The following SBF1 variants were observed in gnomAD, a reference collection of about 807,000 sequenced individuals.
SBF1 encodes myotubularin-related protein 5.
A neutral mutation model predicts 215.8 loss-of-function variants in SBF1; 65 were observed. The ratio of observed to expected loss-of-function variants is 0.30; its 90% CI spans 0.25 to 0.37. The LOEUF is 0.37. Among genes scored for constraint, SBF1 ranks in the 10% least tolerant of loss-of-function variants. SBF1 has a pLI of 1.00. For missense variants in SBF1, 2,634 were observed against 2,667.8 expected, an observed-to-expected ratio of 0.99 and a Z score of 0.28; for synonymous variants, 1,410 against 1,122.8, an observed-to-expected ratio of 1.26 and a Z score of -5.11.
chr22:50,461,763 TG>T, intron 21 of SBF1, 32 bp downstream of exon 21: 1 of 1,611,338 alleles, frequency 6.2e-7, no homozygotes, highest in Non-Finnish European at 8.5e-7. Context: ...GCCCGGGCCT[TG>T]GGCCCCCGCA....
At position 50,455,523 on chromosome 22, in the gene SBF1, G is replaced by A. The variant is rs545508594; in HGVS notation, c.4326C>T (p.Ser1442=). 31 of 1,602,468 alleles carry A rather than the reference G, an allele frequency of 1.9e-5. No homozygotes were observed. The highest frequency in any genetic ancestry group is 3.3e-4 in the Middle Eastern group (2 of 6,056). Residue 1442 remains serine (S), a synonymous_variant, in exon 32 of 41, where the codon TCC becomes TCT. Coordinates refer to ENST00000380817, the MANE Select transcript of SBF1 (RefSeq NM_002972.4). Reference sequence around the variant, plus strand: ...AGCCATCCTCCAGGCCCACCAGCACGGAGGAGCCTGAATCCAGGAGCTCCA... The same window carrying A: ...AGCCATCCTCCAGGCCCACCAGCACAGAGGAGCCTGAATCCAGGAGCTCCA... ...LVVELLDSGS[S]VLVGLEDGWD... is the part of the protein sequence containing the mutation.
At chr22:50,467,194 TG>T in intron 5 of SBF1, 143 bp downstream of exon 5, 1 of 672,450 alleles carries the variant, frequency 1.5e-6, no homozygotes. Flanking sequence ...CCAGGACTGT[TG>T]GGGGCAATGG....
intron 35 of SBF1, 25 bp downstream of exon 35, chr22:50,454,789 C>T (rs767497775): frequency 1.2e-6 from 2 of 1,610,666 alleles, no homozygotes; most frequent in East Asian, 4.5e-5. Flanking sequence ...CAGGAGCCGC[C>T]TACCCGACCC....
Position 50,446,925 on chromosome 22 carries a change from G to A in SBF1, c.*217C>T. The A allele has an allele frequency of 1.4e-6, 1 of 721,848 alleles. No homozygotes were observed. The highest frequency in any genetic ancestry group is 2.5e-6 in the Non-Finnish European group (1 of 396,672). The allele number at this position is 721,848 out of a possible 1,614,324, so 44.7% of individuals were successfully genotyped here. A position where few individuals can be genotyped will look rare whatever the true frequency, so the allele number is the denominator to read the frequency against. ...ACAGGCCCATTGCGGGCTGTACCTTGGCCACCTCCCGGCACGGTGCTCAGC... is the reference window on the plus strand; with the variant it reads ...ACAGGCCCATTGCGGGCTGTACCTTAGCCACCTCCCGGCACGGTGCTCAGC... On this transcript the variant is annotated 3_prime_UTR_variant, in exon 41 of 41. Transcript: ENST00000380817.
chr22:50,459,245 G>T lies in SBF1; in HGVS notation c.3826+10C>A. 6.3e-7 allele frequency: 1 copy of T among 1,591,298 alleles called. No homozygotes were observed. ...CCCCTGCCCCACCGTCTGCCCACAA[G>T]CACCCTCACCGTGACTGCCCATGTG... On this transcript the variant is annotated intron_variant, in intron 28 of 40. Transcript: ENST00000380817.
At chr22:50,472,190 G>A (rs1410678584) in intron 1 of SBF1, among the ~76,000 whole-genome samples, 1 of 152,176 alleles carries the variant, frequency 6.6e-6, no homozygotes, top group Admixed American at 6.5e-5. Flanking sequence ...AGGTGAAAGG[G>A]TCACGGCCAG....
chr22:50,463,169 T>C (rs1476434772), intron 16 of SBF1, 114 bp downstream of exon 16: 1 of 1,406,708 alleles, frequency 7.1e-7, no homozygotes, highest in Non-Finnish European at 9.8e-7. Flanking sequence ...CCCTGCCCAC[T>C]GGCACAGGAG....
At chr22:50,469,843 C>T (rs935555875) in intron 1 of SBF1, among the ~76,000 whole-genome samples, 3 of 152,162 alleles carry the variant, frequency 2.0e-5, no homozygotes, top group Non-Finnish European at 2.9e-5. Flanking sequence ...ACACACTCCA[C>T]GGGTCCCCTA....
At position 50,465,782 on chromosome 22, in the gene SBF1, G is replaced by A. The variant is rs546247142; in HGVS notation, c.1070C>T (p.Thr357Ile). 5.6e-6 allele frequency: 9 copies of A among 1,608,934 alleles called. No individual in the cohort carries two copies. The highest frequency in any genetic ancestry group is 5.1e-5 in the Admixed American group (3 of 59,356). The change falls in exon 10 of 41, where the codon ACC becomes ATC. Residue 357 changes from threonine to isoleucine, a missense_variant. Thr to Ile is a moderately conservative substitution (Grantham distance 89, BLOSUM62 -1). Transcript: ENST00000380817. ...CCCCACCTGCATCTTCAGGGAGGAG[G>A]TGGATGTCGTGGGCGGAGGGAAGGC... ...DLAFPPPTTS[T>I]SSLKMQDKEL...
At position 50,446,727 on chromosome 22, in the gene SBF1, C is replaced by A; in HGVS notation, c.*415G>T. On this transcript the variant is annotated 3_prime_UTR_variant, in exon 41 of 41. Transcript: ENST00000380817. ...AGATGCCAACCTCCCGCCAGGTGGG[C>A]CTGGATAGGGGCAGATGGGACCCTC... 1 of 446,388 alleles carries A rather than the reference C, an allele frequency of 2.2e-6. No individual in the cohort carries two copies. The highest frequency in any genetic ancestry group is 4.4e-6 in the Non-Finnish European group (1 of 225,348). The allele number at this position is 446,388 out of a possible 1,614,324, so 27.7% of individuals were successfully genotyped here. A position where few individuals can be genotyped will look rare whatever the true frequency, so the allele number is the denominator to read the frequency against.
chr22:50,453,123 C>T (rs775370615), intron 36 of SBF1, among the ~76,000 whole-genome samples: 22 of 152,066 alleles, frequency 1.4e-4, no homozygotes, highest in African/African-American at 5.1e-4. Context: ...GACTGGATAA[C>T]AAGAAGACCC....
intron 16 of SBF1, 69 bp from the exon 17 acceptor site, chr22:50,463,007 C>T: frequency 6.9e-7 from 1 of 1,449,822 alleles, no homozygotes; most frequent in Non-Finnish European, 9.5e-7. Flanking sequence ...CACCATGCCC[C>T]CACCACCCCA....
chr22:50,463,552 C>T, intron 15 of SBF1, 120 bp from the exon 16 acceptor site: 1 of 1,142,230 alleles, frequency 8.8e-7, no homozygotes, highest in South Asian at 1.6e-5. Flanking sequence ...GTGTGCCAGA[C>T]TCTGGGGCTT....
At chr22:50,472,873 CTGA>C (rs1241247863) in intron 1 of SBF1, among the ~76,000 whole-genome samples, 1 of 152,226 alleles carries the variant, frequency 6.6e-6, no homozygotes, top group Admixed American at 6.5e-5. Flanking sequence ...CAGCAAGCAG[CTGA>C]CCAGCTCAAC....
rs373993266 is a variant in SBF1 at position 50,464,693 on chromosome 22, C to T, written c.1477G>A (p.Gly493Ser). Residue 493 changes from glycine to serine, a missense_variant, in exon 14 of 41, where the codon GGT becomes AGT. Gly to Ser is a moderately conservative substitution (Grantham distance 56). Coordinates refer to ENST00000380817, the MANE Select transcript of SBF1 (RefSeq NM_002972.4). ...ACCCGTCGCAGGTGGCTGCTCTCAC[C>T]GGGCCTCTGTACCTTGTGCATCGCC... ...AVAMHKVQRP[G>S]ESSHLRRVPR... 127 of 1,607,468 alleles carry T rather than the reference C, an allele frequency of 7.9e-5. No individual in the cohort carries two copies. The East Asian group carries it at 1.0e-3, about 13-fold the overall frequency.
chr22:50,464,666 G>A lies in SBF1; in HGVS notation c.1504C>T (p.Pro502Ser), dbSNP rs2148596928. The A allele has an allele frequency of 3.1e-6, 5 of 1,607,774 alleles. No homozygotes were observed. Among genetic ancestry groups the A allele is most frequent in the Non-Finnish European group, 4.2e-6 (5 of 1,179,672 alleles). The change falls in exon 14 of 41, where the codon CCC (proline) becomes TCC (serine). Residue 502 changes from proline to serine, a missense_variant. Transcript: ENST00000380817. ...TCATCCAGCCGGGGGAAGGGTCGGG[G>A]CACCCGTCGCAGGTGGCTGCTCTCA... ...PGESSHLRRVPRPFPRLDEGT... is the reference protein window; with the variant it reads ...PGESSHLRRVSRPFPRLDEGT...
At chr22:50,459,138 C>G in intron 28 of SBF1, 117 bp downstream of exon 28, 2 of 1,412,878 alleles carry the variant, frequency 1.4e-6, no homozygotes, top group Non-Finnish European at 1.9e-6. Context: ...ATCCCACACC[C>G]AAACATCCAT....
At chr22:50,471,317 G>A (rs988565427) in intron 1 of SBF1, among the ~76,000 whole-genome samples, 5 of 152,210 alleles carry the variant, frequency 3.3e-5, no homozygotes, top group African/African-American at 7.2e-5. Flanking sequence ...CCACGCAGAC[G>A]GCAGGCCTGA....
chr22:50,454,475 G>C (rs769486564), intron 36 of SBF1, 37 bp downstream of exon 36: 3 of 1,547,848 alleles, frequency 1.9e-6, no homozygotes, highest in Admixed American at 3.3e-5. Flanking sequence ...AGAGGAGGGG[G>C]GTGCCAGGCC....
Sources: allele counts gnomAD v4.1 joint callset (sites outside exome capture counted in the v4.1 genomes callset), GRCh38; gene constraint gnomAD v4.1.1; transcripts MANE v1.5; gene names NCBI Gene and HGNC (gene_info 2026-07-23, HGNC 2026-07-21).